The following DOCK3 variants were observed in gnomAD, a reference collection of about 807,000 sequenced individuals.
DOCK3 encodes the protein dedicator of cytokinesis protein 3.
A neutral mutation model predicts 265.6 loss-of-function variants in DOCK3; 60 were observed. That is an observed-to-expected ratio of 0.23 (90% CI 0.18 to 0.28). The LOEUF is 0.28. DOCK3 is among the 10% of genes least tolerant of loss of function. The probability of loss-of-function intolerance (pLI) is 1.00; values close to 1 mark genes in which losing one functional copy is unlikely to be tolerated. For missense variants in DOCK3, 1,981 were observed against 2,594.3 expected (o/e 0.76, Z 5.14); for synonymous variants, 881 against 938.0 (o/e 0.94, Z 1.11).
At chr3:51,229,178 C>T (rs1308981727) in intron 18 of DOCK3, among the ~76,000 whole-genome samples, 5 of 152,108 alleles carry the variant, frequency 3.3e-5, no homozygotes, top group African/African-American at 4.8e-5. Flanking sequence ...TGGCCATGTG[C>T]GGTGGCTCAT....
chr3:51,309,598 GGGGAGA>G (rs575505682), intron 27 of DOCK3, among the ~76,000 whole-genome samples: 42 of 149,756 alleles, frequency 2.8e-4, no homozygotes, highest in Admixed American at 4.0e-4. Context: ...GGGAGACCGT[GGGGAGA>G]GGGAGAGGGA....
At chr3:51,140,061 G>A (rs1159267996) in intron 9 of DOCK3, among the ~76,000 whole-genome samples, 4 of 152,184 alleles carry the variant, frequency 2.6e-5, no homozygotes, top group African/African-American at 7.2e-5. Flanking sequence ...AGTAAACCAC[G>A]AAAAAGTTTG....
intron 40 of DOCK3, 72 bp downstream of exon 40, chr3:51,350,464 C>G: frequency 2.6e-6 from 4 of 1,526,046 alleles, no homozygotes; most frequent in Non-Finnish European, 3.6e-6. Context: ...ATATTCTTTT[C>G]TTCCCCTTTT....
chr3:50,807,249 C>CTTTTTTTTTTTTTTTTTTTTTTTTTTTTT (rs59370167), intron 2 of DOCK3, among the ~76,000 whole-genome samples: 1 of 144,424 alleles, frequency 6.9e-6, no homozygotes, highest in Non-Finnish European at 1.5e-5. Flanking sequence ...CTGCCACGCT[C>CTTTTTTTTTTTTTTTTTTTTTTTTTTTTT]TTTTTTTTTT....
intron 3 of DOCK3, among the ~76,000 whole-genome samples, chr3:50,887,921 C>G (rs142901081): frequency 2.0e-5 from 3 of 152,218 alleles, no homozygotes; most frequent in African/African-American, 7.2e-5. Context: ...TGGGCAAAAA[C>G]TGGAAGTATT....
intron 4 of DOCK3, among the ~76,000 whole-genome samples, chr3:50,906,520 A>G (rs1575497221): frequency 1.3e-5 from 2 of 151,880 alleles, no homozygotes; most frequent in South Asian, 2.1e-4. Context: ...GAATTTATCC[A>G]TTTCTTCTAG....
intron 19 of DOCK3, among the ~76,000 whole-genome samples, chr3:51,235,247 T>C (rs2078303862): frequency 6.6e-6 from 1 of 152,240 alleles, no homozygotes; most frequent in Admixed American, 6.5e-5. Context: ...TAATGCTAGT[T>C]TTGAAACTTA....
chr3:51,260,506 G>A (rs1286829599), intron 23 of DOCK3, among the ~76,000 whole-genome samples, 180 bp downstream of exon 23: 1 of 152,148 alleles, frequency 6.6e-6, no homozygotes, highest in East Asian at 1.9e-4. Flanking sequence ...ATCTGGCTGT[G>A]CCTCAGCTGC....
intron 21 of DOCK3, among the ~76,000 whole-genome samples, chr3:51,237,810 C>T (rs1048000991): frequency 2.0e-5 from 3 of 152,248 alleles, no homozygotes; most frequent in Non-Finnish European, 4.4e-5. Flanking sequence ...CATTGTACAA[C>T]CATCACCAGA....
chr3:50,741,001 C>A (rs886360466), intron 1 of DOCK3, among the ~76,000 whole-genome samples: 2 of 151,978 alleles, frequency 1.3e-5, no homozygotes, highest in Non-Finnish European at 2.9e-5. Flanking sequence ...TCTCCCCTCC[C>A]CCAAGTCTAG....
At chr3:51,291,116 A>G (rs375543741) in intron 27 of DOCK3, among the ~76,000 whole-genome samples, 1 of 152,184 alleles carries the variant, frequency 6.6e-6, no homozygotes, top group Non-Finnish European at 1.5e-5. Flanking sequence ...GGAGATAAAA[A>G]TGGAAACATA....
intron 5 of DOCK3, among the ~76,000 whole-genome samples, chr3:50,953,499 G>C (rs1045872408): frequency 6.6e-6 from 1 of 151,990 alleles, no homozygotes; most frequent in African/African-American, 2.4e-5. Flanking sequence ...GAACAGGAAA[G>C]GTTCATTTCT....
intron 3 of DOCK3, among the ~76,000 whole-genome samples, chr3:50,874,787 T>C (rs1320813030): frequency 6.6e-6 from 1 of 152,208 alleles, no homozygotes; most frequent in Admixed American, 6.5e-5. Flanking sequence ...ATGTTGAGGT[T>C]GTATGCTGCA....
intron 5 of DOCK3, among the ~76,000 whole-genome samples, chr3:51,045,492 A>G: frequency 6.6e-6 from 1 of 152,214 alleles, no homozygotes; most frequent in East Asian, 1.9e-4. Flanking sequence ...AGAATTCCAG[A>G]GACACAAAGT....
At chr3:50,813,802 AAATGT>A (rs2043902696) in intron 2 of DOCK3, among the ~76,000 whole-genome samples, 1 of 152,204 alleles carries the variant, frequency 6.6e-6, no homozygotes, top group Admixed American at 6.5e-5. Context: ...CAGACCTCAT[AAATGT>A]AATAACATCA....
intron 5 of DOCK3, among the ~76,000 whole-genome samples, chr3:51,055,267 G>T (rs1220364090): frequency 6.6e-6 from 1 of 152,148 alleles, no homozygotes; most frequent in Admixed American, 6.5e-5. Context: ...GAAAGGGTTG[G>T]GGGTAAAGGG....
chr3:51,379,548 T>G (rs967390403), intron 51 of DOCK3: 2 of 985,414 alleles, frequency 2.0e-6, no homozygotes, highest in East Asian at 1.1e-4. Flanking sequence ...GCCCCCCCAG[T>G]GCCTCCCCGA....
chr3:50,897,677 T>G (rs919648467), intron 4 of DOCK3, among the ~76,000 whole-genome samples: 1 of 150,618 alleles, frequency 6.6e-6, no homozygotes, highest in African/African-American at 2.5e-5. Flanking sequence ...TTGAGTGTTT[T>G]TAGCCTAAAG....
intron 49 of DOCK3, among the ~76,000 whole-genome samples, chr3:51,366,772 G>A (rs2087216673): frequency 6.6e-6 from 1 of 152,196 alleles, no homozygotes; most frequent in African/African-American, 2.4e-5. Flanking sequence ...GGAGCAGGTT[G>A]TTCAGTTTCC....
Sources: gnomAD v4.1 joint callset for allele counts (sites outside exome capture counted in the v4.1 genomes callset) on GRCh38, gnomAD v4.1.1 for gene constraint, MANE v1.5 for transcripts, NCBI Gene and HGNC (gene_info 2026-07-23, HGNC 2026-07-21) for gene names.